The following MYO9A variants were observed in gnomAD, a reference collection of about 807,000 sequenced individuals.
MYO9A encodes unconventional myosin-IXa.
Under a neutral mutation model 293.3 loss-of-function variants are expected in MYO9A, and 103 were observed. The observed-to-expected ratio is 0.35, with a 90% CI of 0.30 to 0.41. MYO9A has a LOEUF of 0.41. MYO9A is among the 10% of genes least tolerant of loss of function. MYO9A has a pLI of 1.00. For missense variants in MYO9A, 2,685 were observed against 3,033.0 expected, an observed-to-expected ratio of 0.89 and a Z score of 2.69; for synonymous variants, 1,001 against 1,035.7, an observed-to-expected ratio of 0.97 and a Z score of 0.64.
intron 6 of MYO9A, among the ~76,000 whole-genome samples, chr15:72,017,256 C>G (rs376633864): frequency 4.6e-5 from 7 of 152,136 alleles, no homozygotes; most frequent in African/African-American, 1.7e-4. Context: ...TCAAGCAATT[C>G]TCCCACCTCA....
chr15:71,875,828 GT>G lies in MYO9A; in HGVS notation c.5941del (p.Thr1981GlnfsTer39), dbSNP rs1182737315. ...SDCTATKVPK[T>X]ERKKRRKKET... ...CTTTTTCCTTCTTTTCTTTCTTTCT[GT>G]TTTTGGCACCTGACAGGGGGACAGG... On this transcript the variant is annotated frameshift_variant, in exon 32 of 42. Coordinates refer to ENST00000356056, the MANE Select transcript of MYO9A (RefSeq NM_006901.4). LOFTEE classifies it high-confidence loss of function. 2.0e-5 allele frequency: 28 copies of G among 1,366,792 alleles called. No individual in the cohort carries two copies. The highest frequency in any genetic ancestry group is 8.0e-5 in the South Asian group (4 of 50,270). 84.7% of individuals were successfully genotyped at this position (1,366,792 alleles called of 1,614,324 possible).
Position 71,824,503 on chromosome 15 carries a change from G to A in MYO9A, c.*2077C>T, listed in dbSNP as rs1427359424. 1 of 152,124 alleles carries A rather than the reference G, an allele frequency of 6.6e-6. No homozygotes were observed. Among genetic ancestry groups the A allele is most frequent in the African/African-American group, 2.4e-5 (1 of 41,432 alleles). The allele number at this position is 152,124 out of a possible 1,614,324, so 9.4% of individuals were successfully genotyped here. On this transcript the variant is annotated 3_prime_UTR_variant, in exon 42 of 42. Coordinates refer to ENST00000356056, the MANE Select transcript of MYO9A (RefSeq NM_006901.4). Reference sequence around the variant, plus strand: ...AGTGCAGAGTAACAATTAATGCCCAGCAGTACACTACTCTCCCAAGAACAC... The same window carrying A: ...AGTGCAGAGTAACAATTAATGCCCAACAGTACACTACTCTCCCAAGAACAC...
At chr15:72,054,113 G>A (rs1428232805) in intron 1 of MYO9A, among the ~76,000 whole-genome samples, 1 of 152,152 alleles carries the variant, frequency 6.6e-6, no homozygotes, top group East Asian at 1.9e-4. Flanking sequence ...GAAATACCAT[G>A]CAAACACTAG....
intron 18 of MYO9A, among the ~76,000 whole-genome samples, chr15:71,926,579 T>C (rs1201053246): frequency 6.6e-6 from 1 of 152,128 alleles, no homozygotes; most frequent in South Asian, 2.1e-4. Flanking sequence ...TGGTGGTACA[T>C]GCCTATATTT....
At chr15:72,042,998 G>A (rs1596457370) in intron 2 of MYO9A, among the ~76,000 whole-genome samples, 1 of 152,058 alleles carries the variant, frequency 6.6e-6, no homozygotes, top group Non-Finnish European at 1.5e-5. Flanking sequence ...CGAGCCTGGA[G>A]ATCGAGGCTG....
intron 1 of MYO9A, among the ~76,000 whole-genome samples, chr15:72,047,329 T>C (rs979989968): frequency 6.6e-6 from 1 of 152,218 alleles, no homozygotes; most frequent in African/African-American, 2.4e-5. Context: ...ACTACAAATT[T>C]TATTCAGCTT....
At chr15:71,916,800 A>C (rs1050780551) in intron 18 of MYO9A, among the ~76,000 whole-genome samples, 1 of 152,214 alleles carries the variant, frequency 6.6e-6, no homozygotes, top group Admixed American at 6.5e-5. Context: ...GGCTCTGGCT[A>C]CTAGTTCTGC....
intron 18 of MYO9A, among the ~76,000 whole-genome samples, chr15:71,925,189 G>A (rs12148085): frequency 3.5e-4 from 1 of 2,826 alleles, no homozygotes; most frequent in African/African-American, 6.3e-4. Context: ...ATATACATGT[G>A]TATATATACA....
intron 6 of MYO9A, among the ~76,000 whole-genome samples, chr15:72,016,231 A>G (rs918838860): frequency 6.6e-6 from 1 of 152,208 alleles, no homozygotes; most frequent in African/African-American, 2.4e-5. Context: ...TTATATATAC[A>G]TTTACGGAAG....
At chr15:71,956,327 A>ATT (rs1272707668) in intron 14 of MYO9A, among the ~76,000 whole-genome samples, 1 of 78,572 alleles carries the variant, frequency 1.3e-5, no homozygotes, top group African/African-American at 4.3e-5. Context: ...AAAAAAAAAA[A>ATT]AAAATATATA....
At chr15:72,046,928 T>C (rs2078403043) in intron 1 of MYO9A, among the ~76,000 whole-genome samples, 1 of 152,196 alleles carries the variant, frequency 6.6e-6, no homozygotes, top group Non-Finnish European at 1.5e-5. Context: ...GTCTCAAATG[T>C]TTGTAAGGAA....
intron 14 of MYO9A, among the ~76,000 whole-genome samples, chr15:71,952,651 G>A (rs2059078168): frequency 6.6e-6 from 1 of 152,150 alleles, no homozygotes; most frequent in Non-Finnish European, 1.5e-5. Context: ...CTTTAGGGTG[G>A]TGGTTGTGTA....
At chr15:72,022,926 A>G (rs2077547349) in intron 4 of MYO9A, among the ~76,000 whole-genome samples, 1 of 152,210 alleles carries the variant, frequency 6.6e-6, no homozygotes, top group African/African-American at 2.4e-5. Flanking sequence ...TAGCCGATAC[A>G]AAGTAGAAAA....
At chr15:72,015,857 T>C (rs954084635) in intron 6 of MYO9A, among the ~76,000 whole-genome samples, 5 of 151,836 alleles carry the variant, frequency 3.3e-5, no homozygotes, top group African/African-American at 1.2e-4. Context: ...CCAGCTAATT[T>C]TTTGTATTTT....
intron 2 of MYO9A, among the ~76,000 whole-genome samples, chr15:72,037,538 G>C (rs1474760819): frequency 6.6e-6 from 1 of 152,118 alleles, no homozygotes; most frequent in Non-Finnish European, 1.5e-5. Context: ...CAAACACACA[G>C]AACCTCATAG....
intron 1 of MYO9A, among the ~76,000 whole-genome samples, chr15:72,085,230 T>C (rs892292523): frequency 1.3e-5 from 2 of 152,002 alleles, no homozygotes; most frequent in African/African-American, 2.4e-5. Flanking sequence ...CCGTCTCTAC[T>C]AAAAATACAA....
intron 39 of MYO9A, among the ~76,000 whole-genome samples, chr15:71,835,036 A>G (rs957869553): frequency 2.6e-5 from 4 of 152,116 alleles, no homozygotes; most frequent in Non-Finnish European, 5.9e-5. Flanking sequence ...TGTCATATCA[A>G]TGCAATAAAA....
At chr15:71,841,176 T>C (rs939464443) in intron 39 of MYO9A, among the ~76,000 whole-genome samples, 2 of 152,258 alleles carry the variant, frequency 1.3e-5, no homozygotes, top group African/African-American at 4.8e-5. Flanking sequence ...ATAATCATAA[T>C]GGAAATGGTG....
At chr15:72,067,412 C>A (rs1276267651) in intron 1 of MYO9A, among the ~76,000 whole-genome samples, 1 of 151,778 alleles carries the variant, frequency 6.6e-6, no homozygotes, top group Non-Finnish European at 1.5e-5. Flanking sequence ...GCCTCCCGAG[C>A]AGCTGGGATT....
Sources: allele counts gnomAD v4.1 joint callset (sites outside exome capture counted in the v4.1 genomes callset), GRCh38; gene constraint gnomAD v4.1.1; transcripts MANE v1.5; gene names NCBI Gene and HGNC (gene_info 2026-07-23, HGNC 2026-07-21).